SLC29A2: variants seen among roughly 807,000 people sequenced by gnomAD.
The protein encoded by SLC29A2 is solute carrier family 29 member 2.
In SLC29A2, 37 loss-of-function variants were observed where a neutral mutation model predicts 48.8. The ratio of observed to expected loss-of-function variants is 0.76; its 90% CI spans 0.58 to 1.00. The LOEUF is 1.00. Ranked by LOEUF, SLC29A2 falls within the 50% of genes least tolerant of loss-of-function variation. The probability of loss-of-function intolerance (pLI) is 0.00; values close to 1 mark genes in which losing one functional copy is unlikely to be tolerated. For missense variants in SLC29A2, 533 were observed against 578.6 expected (o/e 0.92, Z 0.81); for synonymous variants, 233 against 261.7 (o/e 0.89, Z 1.06).
intron 11 of SLC29A2, 110 bp from the exon 12 acceptor site, chr11:66,363,657 C>T: frequency 2.6e-6 from 2 of 783,482 alleles, no homozygotes; most frequent in Non-Finnish European, 4.5e-6. Context: ...CCCTCTGTCA[C>T]CATAACTGGC....
At position 66,371,711 on chromosome 11, in the gene SLC29A2, A is replaced by T; in HGVS notation, c.-120T>A. On this transcript the variant is annotated 5_prime_UTR_variant, in exon 1 of 12. Transcript: ENST00000357440. ...GGCGGGTCTCCCCAGATTCCGGTGC[A>T]GGGCGGCTGGAGTCGCACAGGTAGC... The T allele has an allele frequency of 9.6e-7, 1 of 1,041,348 alleles. No homozygotes were observed. The highest frequency in any genetic ancestry group is 2.4e-5 in the Admixed American group (1 of 41,618). 64.5% of individuals were successfully genotyped at this position (1,041,348 alleles called of 1,614,324 possible).
Position 66,371,739 on chromosome 11 carries a change from C to T in SLC29A2, c.-148G>A, listed in dbSNP as rs570273024. On this transcript the variant is annotated 5_prime_UTR_variant, in exon 1 of 12. Coordinates refer to ENST00000357440, the MANE Select transcript of SLC29A2 (RefSeq NM_001532.3). ...GCGGCTGGAGTCGCACAGGTAGCCT[C>T]GGGCGGATTTCGGCGTGTCTCGCGC... 2 of 746,194 alleles carry T rather than the reference C, an allele frequency of 2.7e-6. No individual in the cohort carries two copies. Among genetic ancestry groups the T allele is most frequent in the South Asian group, 1.8e-5 (1 of 54,272 alleles). The allele number at this position is 746,194 out of a possible 1,614,324, so 46.2% of individuals were successfully genotyped here. A position where few individuals can be genotyped will look rare whatever the true frequency, so the allele number is the denominator to read the frequency against.
chr11:66,368,966 T>G, intron 4 of SLC29A2, 94 bp downstream of exon 4: 1 of 1,452,672 alleles, frequency 6.9e-7, no homozygotes, highest in Non-Finnish European at 9.5e-7. Flanking sequence ...ACCATGATGC[T>G]GTCTGCCCTT....
At chr11:66,366,694 A>G (rs1590653889) in intron 7 of SLC29A2, 130 bp from the exon 8 acceptor site, 2 of 1,015,706 alleles carry the variant, frequency 2.0e-6, no homozygotes, top group African/African-American at 3.2e-5. Context: ...TCACGCCTGT[A>G]ATCCCAACAT....
chr11:66,369,366 C>G lies in SLC29A2; in HGVS notation c.275+3G>C. The G allele has an allele frequency of 1.9e-6, 3 of 1,613,932 alleles. No individual in the cohort carries two copies. The highest frequency in any genetic ancestry group is 2.5e-6 in the Non-Finnish European group (3 of 1,179,902). On this transcript the variant is annotated splice_donor_region_variant and intron_variant, in intron 3 of 11. Transcript: ENST00000357440. ...GGCGCAGGAGCCAGGGCAGGCCTCTCACCACTGGTACAGGAAGGAGTTGAG... is the reference window on the plus strand; with the variant it reads ...GGCGCAGGAGCCAGGGCAGGCCTCTGACCACTGGTACAGGAAGGAGTTGAG...
At chr11:66,368,860 G>A (rs1855861188) in intron 4 of SLC29A2, among the ~76,000 whole-genome samples, 189 bp from the exon 5 acceptor site, 1 of 152,234 alleles carries the variant, frequency 6.6e-6, no homozygotes, top group Admixed American at 6.5e-5. Context: ...CCATTGGTCT[G>A]TGGGGCTGTT....
rs749661750 is a variant in SLC29A2 at position 66,366,430 on chromosome 11, CCTT to C, written c.865_867del (p.Lys289del). 1.9e-6 allele frequency: 3 copies of C among 1,614,210 alleles called. No homozygotes were observed. Among genetic ancestry groups the C allele is most frequent in the East Asian group, 2.2e-5 (1 of 44,890 alleles). ...GGTTGGGGGCTGTATCCAAGCCAAA[CCTT>C]CTGGAAGACAGTGAAGACTGAAGGT... On this transcript the variant is annotated inframe_deletion and splice_region_variant, in exon 8 of 12. Transcript: ENST00000357440.
chr11:66,365,816 G>T (rs982495242), intron 10 of SLC29A2, 120 bp downstream of exon 10: 2 of 937,144 alleles, frequency 2.1e-6, no homozygotes, highest in African/African-American at 1.6e-5. Context: ...CTGCTGCTTG[G>T]CCAGTGGTTG....
At position 66,368,431 on chromosome 11, in the gene SLC29A2, T is replaced by A. The variant is rs1855831152; in HGVS notation, c.550+106A>T. The stretch of plus-strand genomic sequence containing the variant: ...AATCCCCATTTCCATATCACCTGCT[T>A]ACCTCCATCTTCACCCAGAACCCAT... On this transcript the variant is annotated intron_variant, in intron 5 of 11. Coordinates refer to ENST00000357440, the MANE Select transcript of SLC29A2 (RefSeq NM_001532.3). 2.3e-5 allele frequency: 33 copies of A among 1,460,286 alleles called. No individual in the cohort carries two copies. The South Asian group carries it at 3.8e-4, about 17-fold the overall frequency. 90.5% of individuals were successfully genotyped at this position (1,460,286 alleles called of 1,614,324 possible). A position where few individuals can be genotyped will look rare whatever the true frequency, so the allele number is the denominator to read the frequency against.
At chr11:66,365,883 G>A (rs912033897) in intron 10 of SLC29A2, 53 bp downstream of exon 10, 19 of 1,539,052 alleles carry the variant, frequency 1.2e-5, no homozygotes, top group South Asian at 5.6e-5. Flanking sequence ...TCAAGCCCTC[G>A]GATCCCAAAC....
chr11:66,369,788 T>C (rs1855928840), intron 2 of SLC29A2, among the ~76,000 whole-genome samples: 1 of 152,170 alleles, frequency 6.6e-6, no homozygotes, highest in Admixed American at 6.5e-5. Context: ...TCCTCTTCAG[T>C]GCCCTGGTTC....
intron 5 of SLC29A2, among the ~76,000 whole-genome samples, chr11:66,368,179 G>A (rs1212198863): frequency 6.6e-6 from 1 of 152,158 alleles, no homozygotes; most frequent in Non-Finnish European, 1.5e-5. Flanking sequence ...AGCACAGAGA[G>A]GTGACAAGCC....
Position 66,368,633 on chromosome 11 carries a change from G to T in SLC29A2, c.454C>A (p.Leu152Met). The T allele has an allele frequency of 6.2e-7, 1 of 1,603,556 alleles. No homozygotes were observed. Among genetic ancestry groups the T allele is most frequent in the Non-Finnish European group, 8.5e-7 (1 of 1,175,256 alleles). Residue 152 changes from leucine (L) to methionine (M), a missense_variant, in exon 5 of 12, where the codon CTG becomes ATG. By Grantham distance (15) the Leu-to-Met change is conservative. Coordinates refer to ENST00000357440, the MANE Select transcript of SLC29A2 (RefSeq NM_001532.3). Reference protein sequence around the residue: ...AVLQGSLFGQLGTMPSTYSTL... With the variant: ...AVLQGSLFGQMGTMPSTYSTL... ...CTGTAGGTGGAGGGCATGGTGCCCA[G>T]CTGCCCGAAGAGGCTGCCCTGTAGG...
Position 66,371,318 on chromosome 11 carries a change from G to A in SLC29A2, c.37C>T (p.Leu13=), listed in dbSNP as rs773029445. ...AGGATGAAGAAGCTGATCCCGACCA[G>A]GTGGTAGCTGTGGGGATCGGTGGGA... ...RGDAPRDSYH[L]VGISFFILGL... The change falls in exon 2 of 12, where the codon CTG becomes TTG. Residue 13 remains leucine, a synonymous_variant. Coordinates refer to ENST00000357440, the MANE Select transcript of SLC29A2 (RefSeq NM_001532.3). 1.9e-6 allele frequency: 3 copies of A among 1,613,832 alleles called. No homozygotes were observed. Among genetic ancestry groups the A allele is most frequent in the South Asian group, 1.1e-5 (1 of 91,086 alleles).
intron 7 of SLC29A2, among the ~76,000 whole-genome samples, chr11:66,367,064 A>G (rs1173979236): frequency 2.6e-5 from 4 of 152,222 alleles, no homozygotes; most frequent in African/African-American, 7.2e-5. Context: ...AAGCGCGTGC[A>G]TGGGTCGGGT....
chr11:66,362,901 TGG>T lies in SLC29A2; in HGVS notation c.*533_*534del. The T allele has an allele frequency of 5.4e-6, 1 of 184,942 alleles. No homozygotes were observed. Among genetic ancestry groups the T allele is most frequent in the East Asian group, 1.4e-4 (1 of 7,230 alleles). 11.5% of individuals were successfully genotyped at this position (184,942 alleles called of 1,614,324 possible). A position where few individuals can be genotyped will look rare whatever the true frequency, so the allele number is the denominator to read the frequency against. ...CCAGGCCCAGCTGGGCTCTGCGGAG[TGG>T]GTACAGTAAGTGTTGGCAATGAAAA... On this transcript the variant is annotated 3_prime_UTR_variant, in exon 12 of 12. Transcript: ENST00000357440.
rs771288010 is a variant in SLC29A2 at position 66,369,368 on chromosome 11, C to A, written c.275+1G>T. 2.5e-6 allele frequency: 4 copies of A among 1,613,836 alleles called. No individual in the cohort carries two copies. The highest frequency in any genetic ancestry group is 3.4e-6 in the Non-Finnish European group (4 of 1,179,916). On this transcript the variant is annotated splice_donor_variant, in intron 3 of 11. Transcript: ENST00000357440. LOFTEE classifies it high-confidence loss of function. ...CGCAGGAGCCAGGGCAGGCCTCTCA[C>A]CACTGGTACAGGAAGGAGTTGAGGA...
chr11:66,371,644 C>A lies in SLC29A2; in HGVS notation c.-53G>T, dbSNP rs895519119. 13 of 1,526,882 alleles carry A rather than the reference C, an allele frequency of 8.5e-6. No homozygotes were observed. Among genetic ancestry groups the A allele is most frequent in the Admixed American group, 2.0e-5 (1 of 50,982 alleles). The allele number at this position is 1,526,882 out of a possible 1,614,324, so 94.6% of individuals were successfully genotyped here. A position where few individuals can be genotyped will look rare whatever the true frequency, so the allele number is the denominator to read the frequency against. On this transcript the variant is annotated 5_prime_UTR_variant, in exon 1 of 12. Transcript: ENST00000357440. ...GAAAGGGGCAGAGAAGCCGCACCTG[C>A]ACCTGCGCTGGGGCGGAGGGCCGCA...
chr11:66,368,012 G>T, intron 5 of SLC29A2, 143 bp from the exon 6 acceptor site: 1 of 724,836 alleles, frequency 1.4e-6, no homozygotes, highest in East Asian at 2.7e-5. Flanking sequence ...TGACAAATGG[G>T]AATCTTGTAC....
Sources: allele counts gnomAD v4.1 joint callset (sites outside exome capture counted in the v4.1 genomes callset), GRCh38; gene constraint gnomAD v4.1.1; transcripts MANE v1.5; gene names NCBI Gene and HGNC (gene_info 2026-07-23, HGNC 2026-07-21).